MAGI1: variants seen among roughly 807,000 people sequenced by gnomAD.
MAGI1 encodes the protein membrane-associated guanylate kinase, WW and PDZ domain-containing protein 1.
MAGI1 carries 58 observed loss-of-function variants against 139.9 expected under a neutral mutation model. That is an observed-to-expected ratio of 0.41 (90% CI 0.34 to 0.52). The LOEUF (loss-of-function observed/expected upper bound fraction) is 0.52, where lower values mean the gene tolerates loss of function less well. MAGI1 is among the 20% of genes least tolerant of loss of function. MAGI1 has a pLI of 0.12. For synonymous variants in MAGI1, 812 were observed against 737.9 expected, an observed-to-expected ratio of 1.10 and a Z score of -1.63; for missense variants, 1,874 against 1,901.6, an observed-to-expected ratio of 0.99 and a Z score of 0.27.
rs573798475 is a variant in MAGI1, at chr3:65,971,197, G to A, written c.313+66799C>T. ...CAGCCTGGAAACAGAGCGAGACTCC[G>A]TCTCAAAAATACATAAATAAAACCA... On this transcript the variant is annotated intron_variant, in intron 1 of 22. Coordinates refer to ENST00000402939, the MANE Select transcript of MAGI1 (RefSeq NM_001033057.2). Among the ~76,000 whole-genome samples, 48 of 152,274 alleles carry A rather than the reference G, an allele frequency of 3.2e-4. No homozygotes were observed. The East Asian group carries it at 4.3e-3, about 14-fold the overall frequency.
At chr3:65,709,073 C>G (rs1310557811) in intron 1 of MAGI1, among the ~76,000 whole-genome samples, 1 of 152,184 alleles carries the variant, frequency 6.6e-6, no homozygotes, top group Non-Finnish European at 1.5e-5. Context: ...TTTGGCATAA[C>G]AGAAATTATG....
At chr3:65,845,810 C>G (rs1356512661) in intron 1 of MAGI1, among the ~76,000 whole-genome samples, 1 of 152,130 alleles carries the variant, frequency 6.6e-6, no homozygotes, top group South Asian at 2.1e-4. Flanking sequence ...AGAAGTTTCA[C>G]AGTCTTTTAC....
intron 1 of MAGI1, among the ~76,000 whole-genome samples, chr3:65,623,716 C>T (rs1433225008): frequency 6.6e-6 from 1 of 152,132 alleles, no homozygotes; most frequent in East Asian, 1.9e-4. Flanking sequence ...CTACCTAGGG[C>T]AGGAAACTAC....
intron 2 of MAGI1, among the ~76,000 whole-genome samples, chr3:65,516,127 G>C (rs935465506): frequency 6.6e-6 from 1 of 152,144 alleles, no homozygotes; most frequent in Non-Finnish European, 1.5e-5. Context: ...AATTGCCTGA[G>C]CACAGAAGTT....
chr3:65,773,838 T>A (rs993821352), intron 1 of MAGI1, among the ~76,000 whole-genome samples: 4 of 152,206 alleles, frequency 2.6e-5, no homozygotes, highest in Admixed American at 6.5e-5. Flanking sequence ...ATGACTTTTT[T>A]AATTCGATAT....
chr3:65,570,276 G>A (rs952028452), intron 2 of MAGI1, among the ~76,000 whole-genome samples: 2 of 151,444 alleles, frequency 1.3e-5, no homozygotes, highest in Non-Finnish European at 2.9e-5. Flanking sequence ...TAATTTTTAT[G>A]TTTTTAGTAG....
At chr3:65,434,041 C>T (rs1016649232) in intron 10 of MAGI1, among the ~76,000 whole-genome samples, 5 of 152,098 alleles carry the variant, frequency 3.3e-5, no homozygotes, top group Admixed American at 6.6e-5. Context: ...GGCTTCCATA[C>T]CGAACAGCAT....
At chr3:65,726,729 G>C (rs2033649372) in intron 1 of MAGI1, among the ~76,000 whole-genome samples, 1 of 152,032 alleles carries the variant, frequency 6.6e-6, no homozygotes, top group African/African-American at 2.4e-5. Flanking sequence ...GACGCCCTCA[G>C]CTCTTGGGGG....
chr3:65,577,021 T>G (rs1478246163), intron 2 of MAGI1, among the ~76,000 whole-genome samples: 1 of 152,212 alleles, frequency 6.6e-6, no homozygotes, highest in Non-Finnish European at 1.5e-5. Flanking sequence ...ATGTAAGTAG[T>G]CTTTCACATA....
chr3:65,379,402 C>CGATGCCGCTGGT lies in MAGI1; in HGVS notation c.2842_2853dup (p.Thr948_Ile951dup). The CGATGCCGCTGGT allele has an allele frequency of 6.2e-7, 1 of 1,613,128 alleles. No homozygotes were observed. On this transcript the variant is annotated inframe_insertion, in exon 17 of 23. Coordinates refer to ENST00000402939, the MANE Select transcript of MAGI1 (RefSeq NM_001033057.2). ...CCGCTGCCCCCGCCGCCGCCACTGC[C>CGATGCCGCTGGT]GATGCCGCTGGTGCTGCCGCTGCCC... is the stretch of plus-strand genomic sequence containing the variant.
At chr3:65,701,725 G>A (rs2089625180) in intron 1 of MAGI1, among the ~76,000 whole-genome samples, 1 of 152,122 alleles carries the variant, frequency 6.6e-6, no homozygotes, top group Admixed American at 6.5e-5. Flanking sequence ...AATGGTCTCT[G>A]GTGGACTCAG....
chr3:65,508,686 C>A (rs73128936), intron 2 of MAGI1, among the ~76,000 whole-genome samples: 1 of 152,268 alleles, frequency 6.6e-6, no homozygotes, highest in Non-Finnish European at 1.5e-5. Context: ...AGATACAATC[C>A]AGTCAATGAA....
chr3:65,982,929 A>G (rs1235460954), intron 1 of MAGI1, among the ~76,000 whole-genome samples: 3 of 151,850 alleles, frequency 2.0e-5, no homozygotes, highest in Non-Finnish European at 2.9e-5. Flanking sequence ...TTATTTTTTT[A>G]TTTTTCTAAA....
chr3:65,429,398 G>T, intron 12 of MAGI1, 122 bp downstream of exon 12: 1 of 1,038,768 alleles, frequency 9.6e-7, no homozygotes, highest in Non-Finnish European at 1.4e-6. Context: ...GGAGAAATCA[G>T]TAGGCATTTT....
intron 2 of MAGI1, among the ~76,000 whole-genome samples, chr3:65,619,373 A>G (rs9827523): frequency 0.26 from 38,844 of 152,092 alleles, 5,125 homozygotes; most frequent in Middle Eastern, 0.37. Flanking sequence ...TGGCAATGCT[A>G]AAAATAACCT....
intron 2 of MAGI1, among the ~76,000 whole-genome samples, chr3:65,615,200 G>C (rs1417773764): frequency 1.3e-5 from 2 of 152,050 alleles, no homozygotes; most frequent in Non-Finnish European, 1.5e-5. Flanking sequence ...AGCTACAATG[G>C]AGAAAATGGC....
At chr3:65,492,937 G>T (rs1005957187) in intron 3 of MAGI1, among the ~76,000 whole-genome samples, 5 of 152,010 alleles carry the variant, frequency 3.3e-5, no homozygotes, top group Admixed American at 6.6e-5. Context: ...AATTAGCCGG[G>T]CATGGTGGCA....
intron 2 of MAGI1, among the ~76,000 whole-genome samples, chr3:65,495,845 C>T (rs937811326): frequency 7.2e-5 from 11 of 151,752 alleles, no homozygotes; most frequent in South Asian, 2.1e-4. Context: ...GGCTTTGATA[C>T]GGGTGTGATC....
At chr3:65,768,095 C>T (rs887996942) in intron 1 of MAGI1, among the ~76,000 whole-genome samples, 1 of 152,198 alleles carries the variant, frequency 6.6e-6, no homozygotes, top group Non-Finnish European at 1.5e-5. Context: ...TCTATTCCTA[C>T]TGGCAACCCT....
Sources: allele counts gnomAD v4.1 joint callset (sites outside exome capture counted in the v4.1 genomes callset), GRCh38; gene constraint gnomAD v4.1.1; transcripts MANE v1.5; gene names NCBI Gene and HGNC (gene_info 2026-07-23, HGNC 2026-07-21).